Variants in SUGCT observed in about 807,000 individuals in gnomAD.
SUGCT encodes succinyl-CoA:glutarate-CoA transferase, also known as succinyl-CoA:glutarate CoA-transferase.
A neutral mutation model predicts 55.0 loss-of-function variants in SUGCT; 41 were observed. The ratio of observed to expected loss-of-function variants is 0.74; its 90% CI spans 0.58 to 0.97. SUGCT has a LOEUF of 0.97. SUGCT is among the 50% of genes least tolerant of loss of function. SUGCT has a pLI of 0.00. For missense variants in SUGCT, 568 were observed against 547.8 expected, an observed-to-expected ratio of 1.04 and a Z score of -0.37; for synonymous variants, 187 against 200.4, an observed-to-expected ratio of 0.93 and a Z score of 0.56.
intron 12 of SUGCT, among the ~76,000 whole-genome samples, chr7:40,738,218 A>G (rs1787279589): frequency 1.4e-5 from 2 of 144,990 alleles, no homozygotes; most frequent in Non-Finnish European, 3.0e-5. Flanking sequence ...AAAAAAAAAA[A>G]AGATTATCCT....
the SUGCT span, among the ~76,000 whole-genome samples, chr7:40,975,747 C>T: frequency 2.0e-5 from 3 of 152,140 alleles, no homozygotes; most frequent in African/African-American, 7.2e-5. Flanking sequence ...GCATTGCCAT[C>T]CTTAGATGCA....
chr7:40,270,863 AT>A (rs1485840629), intron 7 of SUGCT, among the ~76,000 whole-genome samples: 1 of 150,314 alleles, frequency 6.7e-6, no homozygotes, highest in East Asian at 2.0e-4. Context: ...TTTTGTCTTA[AT>A]TTCTTTCAAC....
chr7:40,967,837 T>A, the SUGCT span, among the ~76,000 whole-genome samples: 1 of 152,150 alleles, frequency 6.6e-6, no homozygotes, highest in Non-Finnish European at 1.5e-5. Context: ...TTAGCCAGGA[T>A]GGTCTCGATC....
intron 10 of SUGCT, among the ~76,000 whole-genome samples, chr7:40,452,744 T>G (rs1413570143): frequency 1.3e-5 from 2 of 152,202 alleles, no homozygotes; most frequent in Non-Finnish European, 2.9e-5. Context: ...TAGGCCTTGC[T>G]CATGTGCACT....
At chr7:40,666,347 C>CAAAAAAGA (rs202090281) in intron 12 of SUGCT, among the ~76,000 whole-genome samples, 2 of 113,948 alleles carry the variant, frequency 1.8e-5, no homozygotes, top group Admixed American at 9.9e-5. Context: ...GACTCTGTCT[C>CAAAAAAGA]AAGAAAGAAA....
chr7:40,318,666 A>G (rs570546063), intron 9 of SUGCT, among the ~76,000 whole-genome samples: 5 of 152,236 alleles, frequency 3.3e-5, no homozygotes, highest in Admixed American at 6.5e-5. Context: ...CGACCTCCTG[A>G]CCTCAAGTGA....
At chr7:40,277,478 C>A (rs1482148450) in intron 8 of SUGCT, among the ~76,000 whole-genome samples, 1 of 152,104 alleles carries the variant, frequency 6.6e-6, no homozygotes, top group African/African-American at 2.4e-5. Flanking sequence ...GCGTGAGCCA[C>A]TGCACCCAGC....
chr7:40,398,044 G>T (rs1785839082), intron 9 of SUGCT, among the ~76,000 whole-genome samples: 1 of 152,142 alleles, frequency 6.6e-6, no homozygotes, highest in African/African-American at 2.4e-5. Flanking sequence ...CAACCAGTGA[G>T]GTGTGGGGGT....
intron 12 of SUGCT, among the ~76,000 whole-genome samples, chr7:40,745,378 G>C (rs941821330): frequency 6.6e-6 from 1 of 150,986 alleles, no homozygotes; most frequent in Admixed American, 6.6e-5. Flanking sequence ...TTTTTCTTCT[G>C]CCATTTCTGC....
At chr7:41,014,382 C>T in the SUGCT span, among the ~76,000 whole-genome samples, 2 of 152,040 alleles carry the variant, frequency 1.3e-5, no homozygotes, top group Non-Finnish European at 2.9e-5. Context: ...AAAAAAGAAA[C>T]CTCAAAGTTA....
chr7:40,212,490 A>G (rs1034886231), intron 6 of SUGCT, among the ~76,000 whole-genome samples: 3 of 152,114 alleles, frequency 2.0e-5, no homozygotes, highest in East Asian at 3.9e-4. Flanking sequence ...AAAAAATGAT[A>G]AAACTATAAG....
chr7:40,560,754 C>T (rs117281860), intron 12 of SUGCT, among the ~76,000 whole-genome samples: 1,657 of 152,288 alleles, frequency 0.011, 42 homozygotes, highest in Non-Finnish European at 0.011. Flanking sequence ...TGCAGTGTAT[C>T]CCCAGTGGGA....
chr7:40,815,222 C>G (rs1447599791), intron 13 of SUGCT, among the ~76,000 whole-genome samples: 1 of 152,212 alleles, frequency 6.6e-6, no homozygotes, highest in Non-Finnish European at 1.5e-5. Flanking sequence ...GCAGGTCCTC[C>G]TCCAGGGGCC....
chr7:40,943,967 C>A, the SUGCT span, among the ~76,000 whole-genome samples: 1 of 149,464 alleles, frequency 6.7e-6, no homozygotes, highest in African/African-American at 2.5e-5. Flanking sequence ...TTAATGATTG[C>A]CATTCTAACT....
At chr7:40,960,985 G>T in the SUGCT span, among the ~76,000 whole-genome samples, 2 of 152,160 alleles carry the variant, frequency 1.3e-5, no homozygotes, top group East Asian at 1.9e-4. Flanking sequence ...TTTTGAAGTT[G>T]CATGTTCTTC....
At chr7:40,682,034 T>A (rs1441946435) in intron 12 of SUGCT, among the ~76,000 whole-genome samples, 1 of 152,224 alleles carries the variant, frequency 6.6e-6, no homozygotes, top group Non-Finnish European at 1.5e-5. Context: ...ACTAACTTCC[T>A]TGGCTGTTGT....
chr7:40,344,200 C>T (rs563061706), intron 9 of SUGCT, among the ~76,000 whole-genome samples: 23 of 152,206 alleles, frequency 1.5e-4, no homozygotes, highest in African/African-American at 3.9e-4. Flanking sequence ...GTTCATAGAA[C>T]GATGCCTTAG....
At position 40,195,066 on chromosome 7, in the gene SUGCT, T is replaced by G. The variant is rs1386308085; in HGVS notation, c.484+6T>G. 1 of 1,611,898 alleles carries G rather than the reference T, an allele frequency of 6.2e-7. No individual in the cohort carries two copies. The highest frequency in any genetic ancestry group is 2.2e-5 in the East Asian group (1 of 44,852). ...CATCTATTGTTCCATCACAGGTATT[T>G]CAACCCCACACCCTTGTCAGTTAAA... On this transcript the variant is annotated splice_donor_region_variant and intron_variant, in intron 6 of 13. Coordinates refer to ENST00000335693, the MANE Select transcript of SUGCT (RefSeq NM_001193313.2).
chr7:40,237,634 G>A lies in SUGCT; in HGVS notation c.485-1G>A. On this transcript the variant is annotated splice_acceptor_variant, in intron 6 of 13. Transcript: ENST00000335693. LOFTEE classifies it high-confidence loss of function. ...GAATATGTTTATTTTTGTTGTTTTA[G>A]GGTATGGTCAGACAGGTCCAATTTC... 1.2e-6 allele frequency: 2 copies of A among 1,613,600 alleles called. No homozygotes were observed.
Sources: gnomAD v4.1 joint callset for allele counts (sites outside exome capture counted in the v4.1 genomes callset) on GRCh38, gnomAD v4.1.1 for gene constraint, MANE v1.5 for transcripts, NCBI Gene and HGNC (gene_info 2026-07-23, HGNC 2026-07-21) for gene names.